AGBL1: variants seen among roughly 807,000 people sequenced by gnomAD.
The protein encoded by AGBL1 is cytosolic carboxypeptidase 4.
AGBL1 carries 130 observed loss-of-function variants against 118.9 expected under a neutral mutation model. That is an observed-to-expected ratio of 1.09 (90% CI 0.95 to 1.26). The LOEUF is 1.26. AGBL1 is among the 50% of genes most tolerant of loss of function. The pLI is 0.00. For missense variants in AGBL1, 1,584 were observed against 1,298.1 expected (o/e 1.22, Z -3.38); for synonymous variants, 555 against 478.9 (o/e 1.16, Z -2.08).
chr15:86,905,307 C>G (rs1446845065), intron 22 of AGBL1, among the ~76,000 whole-genome samples: 2 of 152,130 alleles, frequency 1.3e-5, no homozygotes, highest in African/African-American at 2.4e-5. Context: ...TTGTTGTGTC[C>G]CACTGGACCC....
At chr15:86,237,098 C>T (rs2141965582) in intron 6 of AGBL1, among the ~76,000 whole-genome samples, 1 of 152,254 alleles carries the variant, frequency 6.6e-6, no homozygotes, top group South Asian at 2.1e-4. Context: ...CGGGCCTTTC[C>T]TGCTAGACAA....
At chr15:86,367,689 C>T (rs1240897556) in intron 17 of AGBL1, among the ~76,000 whole-genome samples, 2 of 152,144 alleles carry the variant, frequency 1.3e-5, no homozygotes, top group African/African-American at 2.4e-5. Flanking sequence ...ATGTGAAGCT[C>T]AGCTGCCTCC....
At chr15:86,931,031 G>C (rs1303946800) in intron 23 of AGBL1, among the ~76,000 whole-genome samples, 1 of 152,136 alleles carries the variant, frequency 6.6e-6, no homozygotes, top group Non-Finnish European at 1.5e-5. Context: ...CTGAGGACTG[G>C]ACTCTGACTG....
intron 23 of AGBL1, among the ~76,000 whole-genome samples, chr15:86,983,914 C>T (rs867779933): frequency 3.3e-5 from 5 of 152,226 alleles, no homozygotes; most frequent in Admixed American, 6.5e-5. Context: ...CTGTATGCAA[C>T]GGTTTGCATA....
chr15:86,944,332 T>C (rs1191846938), intron 23 of AGBL1, among the ~76,000 whole-genome samples: 2 of 152,040 alleles, frequency 1.3e-5, no homozygotes, highest in African/African-American at 4.8e-5. Context: ...GGAGCTGAGA[T>C]TGTGCCACTG....
chr15:86,415,091 A>G (rs146987034), intron 18 of AGBL1, among the ~76,000 whole-genome samples: 32 of 152,304 alleles, frequency 2.1e-4, no homozygotes, highest in African/African-American at 7.2e-4. Flanking sequence ...TCAGATGATC[A>G]GTGGGTACCA....
rs1050219998 is a variant in AGBL1, at chr15:86,832,980, A to T, written c.3159-74107A>T. Among the ~76,000 whole-genome samples, 4 of 152,310 alleles carry T rather than the reference A, an allele frequency of 2.6e-5. No individual in the cohort carries two copies. The East Asian group carries it at 5.8e-4, about 22-fold the overall frequency. On this transcript the variant is annotated intron_variant, in intron 22 of 22. Transcript: ENST00000614907. ...GGGGAGTCCTTACAATCATCATGGA[A>T]GGCAAACGAGGAACAAAGTCATGTC...
At chr15:86,370,619 CA>C (rs1399296310) in intron 17 of AGBL1, among the ~76,000 whole-genome samples, 2 of 152,150 alleles carry the variant, frequency 1.3e-5, no homozygotes, top group Admixed American at 6.5e-5. Context: ...AACGCCAGGA[CA>C]GGTGATACCT....
intron 22 of AGBL1, among the ~76,000 whole-genome samples, chr15:86,830,573 A>G (rs1385320199): frequency 6.6e-6 from 1 of 152,122 alleles, no homozygotes; most frequent in Non-Finnish European, 1.5e-5. Context: ...AGGCTACACA[A>G]AAACTCAACA....
chr15:87,023,850 T>C (rs533590957), intron 24 of AGBL1, among the ~76,000 whole-genome samples: 2 of 151,926 alleles, frequency 1.3e-5, no homozygotes, highest in Non-Finnish European at 2.9e-5. Flanking sequence ...GCCATGCAAA[T>C]ACATGGATAT....
chr15:86,767,176 G>A (rs1434177145), intron 22 of AGBL1, among the ~76,000 whole-genome samples: 1 of 151,856 alleles, frequency 6.6e-6, no homozygotes, highest in Non-Finnish European at 1.5e-5. Flanking sequence ...ATTTTTTAAA[G>A]AATGCAATAC....
At chr15:86,501,315 G>T (rs1307484254) in intron 18 of AGBL1, among the ~76,000 whole-genome samples, 1 of 151,496 alleles carries the variant, frequency 6.6e-6, no homozygotes, top group African/African-American at 2.4e-5. Flanking sequence ...CTGGAGAAAT[G>T]TCTATTCAAA....
intron 22 of AGBL1, among the ~76,000 whole-genome samples, chr15:86,797,387 C>T (rs1371564496): frequency 2.6e-5 from 4 of 152,312 alleles, no homozygotes; most frequent in East Asian, 3.9e-4. Flanking sequence ...TGGAAAACCA[C>T]GCTCATTTCA....
At chr15:86,618,551 C>T (rs1169711394) in intron 21 of AGBL1, among the ~76,000 whole-genome samples, 2 of 152,194 alleles carry the variant, frequency 1.3e-5, no homozygotes, top group Non-Finnish European at 2.9e-5. Context: ...AGGGAATCTG[C>T]ATTTAATTAG....
In AGBL1 at chr15:86,910,632, T is replaced by A. The variant is rs547748620; in HGVS notation, c.*3338T>A. On this transcript the variant is annotated 3_prime_UTR_variant, in exon 23 of 23. Coordinates refer to ENST00000614907, the MANE Select transcript of AGBL1 (RefSeq NM_001386094.1). ...ACGTTTGCATTCAGGTCAAAGATAA[T>A]AAGTGCAGTTTGGGGACATGTTAAA... The A allele has an allele frequency of 6.6e-6, 1 of 152,296 alleles. No individual in the cohort carries two copies. Among genetic ancestry groups the A allele is most frequent in the Admixed American group, 6.5e-5 (1 of 15,298 alleles). The allele number at this position is 152,296 out of a possible 1,614,324, so 9.4% of individuals were successfully genotyped here.
chr15:86,435,458 A>G (rs570469202), intron 18 of AGBL1, among the ~76,000 whole-genome samples: 3 of 152,196 alleles, frequency 2.0e-5, no homozygotes, highest in Admixed American at 6.5e-5. Context: ...GTAAATTTAC[A>G]TTTTTGAAGA....
intron 1 of AGBL1, among the ~76,000 whole-genome samples, chr15:86,140,883 C>T (rs1344447760): frequency 6.6e-6 from 1 of 152,136 alleles, no homozygotes; most frequent in Non-Finnish European, 1.5e-5. Context: ...AATAATGAAG[C>T]TGAAGACATA....
At chr15:86,581,822 G>A (rs1396998879) in intron 21 of AGBL1, among the ~76,000 whole-genome samples, 2 of 152,112 alleles carry the variant, frequency 1.3e-5, no homozygotes, top group Non-Finnish European at 2.9e-5. Context: ...AATTACCAAG[G>A]AAGGTGGTGA....
At chr15:86,151,285 A>C (rs1409828002) in intron 3 of AGBL1, among the ~76,000 whole-genome samples, 1 of 147,738 alleles carries the variant, frequency 6.8e-6, no homozygotes, top group Admixed American at 6.8e-5. Flanking sequence ...AAGTACCCTA[A>C]AACTTAAAGT....
Sources: allele counts gnomAD v4.1 joint callset (sites outside exome capture counted in the v4.1 genomes callset), GRCh38; gene constraint gnomAD v4.1.1; transcripts MANE v1.5; gene names NCBI Gene and HGNC (gene_info 2026-07-23, HGNC 2026-07-21).